The following MMP16 variants were observed in gnomAD, a reference collection of about 807,000 sequenced individuals.
MMP16 encodes the protein matrix metalloproteinase-16.
A neutral mutation model predicts 67.8 loss-of-function variants in MMP16; 12 were observed. That is an observed-to-expected ratio of 0.18 (90% CI 0.11 to 0.29). The LOEUF is 0.29. Among genes scored for constraint, MMP16 ranks in the 10% least tolerant of loss-of-function variants. MMP16 has a pLI of 1.00. For synonymous variants in MMP16, 249 were observed against 255.9 expected (o/e 0.97, Z 0.26); for missense variants, 475 against 765.7 (o/e 0.62, Z 4.48).
intron 1 of MMP16, among the ~76,000 whole-genome samples, chr8:88,201,483 G>A (rs1809344552): frequency 6.6e-6 from 1 of 151,996 alleles, no homozygotes; most frequent in Non-Finnish European, 1.5e-5. Context: ...TTATTTTATA[G>A]CATTTATTTA....
At chr8:88,284,515 T>C (rs545130963) in intron 1 of MMP16, among the ~76,000 whole-genome samples, 27 of 151,166 alleles carry the variant, frequency 1.8e-4, no homozygotes, top group African/African-American at 5.3e-4. Context: ...AATACTAGAT[T>C]GTAGACCTGC....
At chr8:88,283,800 G>T (rs1346090034) in intron 1 of MMP16, among the ~76,000 whole-genome samples, 1 of 151,976 alleles carries the variant, frequency 6.6e-6, no homozygotes, top group Non-Finnish European at 1.5e-5. Flanking sequence ...TCCCATAAAT[G>T]TACTGTTTGG....
Position 88,041,816 on chromosome 8 carries a change from A to T in MMP16, c.1490-21T>A, listed in dbSNP as rs181678413. The T allele has an allele frequency of 1.3e-3, 2,022 of 1,529,808 alleles. 2 individuals carry two copies. The highest frequency in any genetic ancestry group is 1.7e-3 in the Non-Finnish European group (1,883 of 1,115,998). 94.8% of individuals were successfully genotyped at this position (1,529,808 alleles called of 1,614,324 possible). ...AAAGCCTAGGGGGAAAAACATACAC[A>T]CACACAGGTACCACTTATTTGTGAC... On this transcript the variant is annotated intron_variant, in intron 9 of 9. Coordinates refer to ENST00000286614, the MANE Select transcript of MMP16 (RefSeq NM_005941.5). This position sits in a 1 kb window ranked among gnomAD's most constrained non-coding sequence, Gnocchi z 6.0.
At chr8:88,123,241 C>T (rs1253761517) in intron 4 of MMP16, among the ~76,000 whole-genome samples, 2 of 151,954 alleles carry the variant, frequency 1.3e-5, no homozygotes, top group Admixed American at 6.6e-5. Flanking sequence ...TACTTTGAAG[C>T]ATGTGAGTGT....
At chr8:88,047,687 A>G (rs1288617916) in intron 8 of MMP16, among the ~76,000 whole-genome samples, 3 of 152,222 alleles carry the variant, frequency 2.0e-5, no homozygotes, top group African/African-American at 4.8e-5. Context: ...GGTGAGAGTA[A>G]GAACCAGAAC....
chr8:88,043,811 T>C (rs1808164573), intron 9 of MMP16, among the ~76,000 whole-genome samples: 2 of 152,288 alleles, frequency 1.3e-5, no homozygotes, highest in Admixed American at 6.5e-5. Flanking sequence ...GTTAATGAAA[T>C]TCAATATAAT....
intron 1 of MMP16, among the ~76,000 whole-genome samples, chr8:88,201,850 C>CT (rs950637153): frequency 3.3e-5 from 5 of 152,014 alleles, no homozygotes; most frequent in African/African-American, 1.2e-4. Context: ...AGCTTAAGGA[C>CT]TTTTTTTCCA....
chr8:88,173,106 G>C (rs1375032916), intron 3 of MMP16, among the ~76,000 whole-genome samples: 1 of 152,142 alleles, frequency 6.6e-6, no homozygotes, highest in Non-Finnish European at 1.5e-5. Context: ...CTGGAGTGCA[G>C]TGGCAAGATC....
intron 1 of MMP16, among the ~76,000 whole-genome samples, chr8:88,308,663 A>G (rs1267489973): frequency 2.6e-5 from 4 of 152,220 alleles, no homozygotes; most frequent in African/African-American, 4.8e-5. Context: ...TTTTCTGTAT[A>G]TCAAAGATTC....
chr8:88,063,081 G>C lies in MMP16; in HGVS notation c.1223-6803C>G, dbSNP rs139757417. Among the ~76,000 whole-genome samples the C allele has an allele frequency of 8.8e-3, 1,344 of 152,126 alleles. 9 individuals carry two copies. Among genetic ancestry groups the C allele is most frequent in the Non-Finnish European group, 0.014 (946 of 67,976 alleles). ...GACATTGTACTTGGCAGAATGCAGA[G>C]GAAAATATCAACAAGTTAGAACTAA... On this transcript the variant is annotated intron_variant, in intron 7 of 9. Transcript: ENST00000286614.
At chr8:88,079,946 A>G (rs1329762681) in intron 6 of MMP16, among the ~76,000 whole-genome samples, 2 of 152,178 alleles carry the variant, frequency 1.3e-5, no homozygotes, top group Non-Finnish European at 2.9e-5. Flanking sequence ...TGCCATTTGC[A>G]AAGTGCCTAG....
chr8:88,039,242 GA>G lies in MMP16; in HGVS notation c.*2218del. On this transcript the variant is annotated 3_prime_UTR_variant, in exon 10 of 10. Transcript: ENST00000286614. The surrounding 1 kb of genome is among the most constrained non-coding windows in gnomAD (Gnocchi z 4.5). ...AGCCACACTGGCCATTCAAGTATTT[GA>G]GGTTTTTTTTTTCCTATAGTTTTTG... is the stretch of plus-strand genomic sequence containing the variant. 2 of 143,042 alleles carry G rather than the reference GA, an allele frequency of 1.4e-5. No individual in the cohort carries two copies. The highest frequency in any genetic ancestry group is 3.2e-5 in the Non-Finnish European group (2 of 61,900). The allele number at this position is 143,042 out of a possible 1,614,324, so 8.9% of individuals were successfully genotyped here. A position where few individuals can be genotyped will look rare whatever the true frequency, so the allele number is the denominator to read the frequency against.
At chr8:88,167,574 A>C (rs1334745174) in intron 4 of MMP16, 95 bp downstream of exon 4, 3 of 1,216,520 alleles carry the variant, frequency 2.5e-6, no homozygotes, top group African/African-American at 3.1e-5. Context: ...AAGTAAATTT[A>C]GGATCTATAC....
At chr8:88,096,922 G>C (rs894633656) in intron 6 of MMP16, among the ~76,000 whole-genome samples, 10 of 151,872 alleles carry the variant, frequency 6.6e-5, no homozygotes, top group Non-Finnish European at 1.5e-4. Flanking sequence ...ATATCCTGTA[G>C]ACAGATTTCT....
chr8:88,130,291 C>T (rs1586166195), intron 4 of MMP16, among the ~76,000 whole-genome samples: 2 of 151,804 alleles, frequency 1.3e-5, no homozygotes, highest in South Asian at 2.1e-4. Flanking sequence ...ATGGCACATA[C>T]CAATAAAATC....
At chr8:88,071,810 C>T (rs538509814) in intron 7 of MMP16, among the ~76,000 whole-genome samples, 28 of 152,120 alleles carry the variant, frequency 1.8e-4, no homozygotes, top group African/African-American at 6.3e-4. Context: ...ATAGTTTTTA[C>T]ATTTTTAAAG....
At chr8:88,225,867 C>A (rs2129859436) in intron 1 of MMP16, among the ~76,000 whole-genome samples, 1 of 151,990 alleles carries the variant, frequency 6.6e-6, no homozygotes, top group Middle Eastern at 3.4e-3. Context: ...GTACCTTATT[C>A]TTTCCATTTC....
At chr8:88,163,223 T>G (rs1410169323) in intron 4 of MMP16, among the ~76,000 whole-genome samples, 5 of 152,092 alleles carry the variant, frequency 3.3e-5, no homozygotes, top group Non-Finnish European at 7.4e-5. Context: ...GTCCTGTCCG[T>G]TGACTCAAGT....
Position 88,284,495 on chromosome 8 carries a change from T to C in MMP16, c.132+42580A>G, listed in dbSNP as rs182578825. On this transcript the variant is annotated intron_variant, in intron 1 of 9. Coordinates refer to ENST00000286614, the MANE Select transcript of MMP16 (RefSeq NM_005941.5). ...TGTCTAAAGCTATGCAAACAAAGAG[T>C]GGTAGAGGCAATACTAGATTGTAGA... is the stretch of plus-strand genomic sequence containing the variant. Among the ~76,000 whole-genome samples the C allele has an allele frequency of 2.4e-3, 358 of 150,620 alleles. 2 individuals carry two copies. In the Middle Eastern group the frequency reaches 0.027, roughly 12 times the overall value.
Sources: allele counts gnomAD v4.1 joint callset (sites outside exome capture counted in the v4.1 genomes callset), GRCh38; gene constraint gnomAD v4.1.1; non-coding constraint Gnocchi (gnomAD v3.1); transcripts MANE v1.5; gene names NCBI Gene and HGNC (gene_info 2026-07-23, HGNC 2026-07-21).